The following HBEGF variants were observed in gnomAD, a reference collection of about 807,000 sequenced individuals.
HBEGF encodes heparin binding EGF like growth factor, also known as proheparin-binding EGF-like growth factor.
Under a neutral mutation model 19.5 loss-of-function variants are expected in HBEGF, and 8 were observed. The observed-to-expected ratio is 0.41, with a 90% CI of 0.24 to 0.74. The LOEUF is 0.74. HBEGF is among the 30% of genes least tolerant of loss of function. The probability of loss-of-function intolerance (pLI) is 0.32; values close to 1 mark genes in which losing one functional copy is unlikely to be tolerated. For missense variants in HBEGF, 207 were observed against 256.9 expected (o/e 0.81, Z 1.33); for synonymous variants, 97 against 108.9 (o/e 0.89, Z 0.68).
Position 140,334,754 on chromosome 5 carries a change from G to A in HBEGF, c.555-6C>T. 1.2e-6 allele frequency: 2 copies of A among 1,612,216 alleles called. No individual in the cohort carries two copies. Among genetic ancestry groups the A allele is most frequent in the East Asian group, 2.2e-5 (1 of 44,856 alleles). ...AACCTCCTCTCCTATGGTACCTGAGGAAGATAAGTTTTGTGAATAAGCCCT... is the reference window on the plus strand; with the variant it reads ...AACCTCCTCTCCTATGGTACCTGAGAAAGATAAGTTTTGTGAATAAGCCCT... On this transcript the variant is annotated splice_region_variant and splice_polypyrimidine_tract_variant and intron_variant, in intron 4 of 5. Transcript: ENST00000230990.
At chr5:140,339,761 C>T (rs1766280452) in intron 3 of HBEGF, among the ~76,000 whole-genome samples, 1 of 152,280 alleles carries the variant, frequency 6.6e-6, no homozygotes, top group Admixed American at 6.5e-5. Context: ...ATGGTGGCTG[C>T]AGAGGGCTAG....
At chr5:140,338,328 C>T (rs2126717162) in intron 3 of HBEGF, among the ~76,000 whole-genome samples, 1 of 152,324 alleles carries the variant, frequency 6.6e-6, no homozygotes, top group African/African-American at 2.4e-5. Context: ...GGAGAAGTTA[C>T]TAGCCCCATT....
At chr5:140,337,235 C>T (rs4150228) in intron 3 of HBEGF, among the ~76,000 whole-genome samples, 2,842 of 152,318 alleles carry the variant, frequency 0.019, 42 homozygotes, top group Non-Finnish European at 0.027. Context: ...TTTATCTGAG[C>T]ATCCCAGAGA....
At chr5:140,345,537 T>C (rs1581114790) in intron 2 of HBEGF, among the ~76,000 whole-genome samples, 1 of 152,168 alleles carries the variant, frequency 6.6e-6, no homozygotes, top group East Asian at 1.9e-4. Flanking sequence ...TTATATATAA[T>C]AGTCATTTGA....
Position 140,346,269 on chromosome 5 carries a change from G to T in HBEGF, c.46+14C>A. The T allele has an allele frequency of 6.2e-7, 1 of 1,601,094 alleles. No individual in the cohort carries two copies. On this transcript the variant is annotated intron_variant, in intron 1 of 5. Transcript: ENST00000230990. The surrounding 1 kb of genome is among the most constrained non-coding windows in gnomAD (Gnocchi z 6.1). Reference sequence around the variant, plus strand: ...CATCCCCCCGATCTCCGGGGGCGTCGGCAGCCCTCTTACCTGCAGCCAGAA... The same window carrying T: ...CATCCCCCCGATCTCCGGGGGCGTCTGCAGCCCTCTTACCTGCAGCCAGAA...
intron 3 of HBEGF, among the ~76,000 whole-genome samples, chr5:140,340,582 CAAAAAAA>C (rs61489261): frequency 6.7e-5 from 4 of 59,846 alleles, no homozygotes; most frequent in Admixed American, 2.4e-4. Context: ...GACTCTGTCT[CAAAAAAA>C]AAAAAAAAAA....
chr5:140,341,122 T>C (rs1441215333), intron 3 of HBEGF, among the ~76,000 whole-genome samples: 1 of 152,210 alleles, frequency 6.6e-6, no homozygotes, highest in Non-Finnish European at 1.5e-5. Flanking sequence ...ATGACATCAT[T>C]ATAGTTATCA....
At chr5:140,334,800 G>A (rs1380292250) in intron 4 of HBEGF, 52 bp from the exon 5 acceptor site, 2 of 1,397,352 alleles carry the variant, frequency 1.4e-6, no homozygotes, top group African/African-American at 1.4e-5. Flanking sequence ...ACAAAGTGCA[G>A]GTCCAGAGCA....
At chr5:140,335,805 A>C (rs564701655) in intron 4 of HBEGF, 67 bp downstream of exon 4, 2 of 1,514,742 alleles carry the variant, frequency 1.3e-6, no homozygotes, top group Admixed American at 1.8e-5. Context: ...CATCAAGGAG[A>C]GGGCCCAGGA....
At chr5:140,340,978 A>G (rs1166711753) in intron 3 of HBEGF, among the ~76,000 whole-genome samples, 5 of 152,248 alleles carry the variant, frequency 3.3e-5, no homozygotes, top group Admixed American at 3.3e-4. Context: ...TACTCAGCAG[A>G]GGGCTTTTGA....
intron 3 of HBEGF, among the ~76,000 whole-genome samples, chr5:140,339,891 T>C (rs1188253994): frequency 1.3e-5 from 2 of 152,122 alleles, no homozygotes; most frequent in Non-Finnish European, 2.9e-5. Flanking sequence ...TGCACAGATG[T>C]CACATTCCCC....
chr5:140,342,788 G>C lies in HBEGF; in HGVS notation c.245C>G (p.Ala82Gly), dbSNP rs1375862656. Residue 82 changes from alanine (A) to glycine (G), a missense_variant, in exon 3 of 6, where the codon GCA becomes GGA. Coordinates refer to ENST00000230990, the MANE Select transcript of HBEGF (RefSeq NM_001945.3). ...LRVTLSSKPQALATPNKEEHG... is the reference protein window; with the variant it reads ...LRVTLSSKPQGLATPNKEEHG... Reference sequence around the variant, plus strand: ...CTCCTCCTTGTTTGGTGTGGCCAGTGCTTGTGGCTTGGAGGATAAAGTGAC... The same window carrying C: ...CTCCTCCTTGTTTGGTGTGGCCAGTCCTTGTGGCTTGGAGGATAAAGTGAC... The C allele has an allele frequency of 6.2e-7, 1 of 1,614,096 alleles. No homozygotes were observed. The highest frequency in any genetic ancestry group is 8.5e-7 in the Non-Finnish European group (1 of 1,180,050).
chr5:140,342,939 C>T (rs1766337240), intron 2 of HBEGF, 127 bp from the exon 3 acceptor site: 1 of 898,826 alleles, frequency 1.1e-6, no homozygotes, highest in South Asian at 1.6e-5. Context: ...GGCCCCTTAG[C>T]TCAGTGCCTC....
In HBEGF at chr5:140,340,277, T is replaced by C. The variant is rs1391638914; in HGVS notation, c.398+2358A>G. 4.1e-5 allele frequency among the ~76,000 whole-genome samples: 6 copies of C among 146,080 alleles called. No individual in the cohort carries two copies. The East Asian group carries it at 1.2e-3, about 30-fold the overall frequency. On this transcript the variant is annotated intron_variant, in intron 3 of 5. Coordinates refer to ENST00000230990, the MANE Select transcript of HBEGF (RefSeq NM_001945.3). ...CTCCAGCCTGGGTGACAGAGCGAGA[T>C]TCCATCTCAAAAAAAAAAAAGGCTA...
At chr5:140,341,908 G>C (rs1766319381) in intron 3 of HBEGF, among the ~76,000 whole-genome samples, 2 of 152,140 alleles carry the variant, frequency 1.3e-5, no homozygotes, top group Admixed American at 1.3e-4. Flanking sequence ...AGAGGCTAAG[G>C]AACCCACAGC....
At position 140,346,089 on chromosome 5, in the gene HBEGF, G is replaced by A. The variant is rs371349193; in HGVS notation, c.47-5C>T. 20 of 1,610,108 alleles carry A rather than the reference G, an allele frequency of 1.2e-5. No individual in the cohort carries two copies. Among genetic ancestry groups the A allele is most frequent in the Non-Finnish European group, 1.7e-5 (20 of 1,178,198 alleles). On this transcript the variant is annotated splice_region_variant and splice_polypyrimidine_tract_variant and intron_variant, in intron 1 of 5. Coordinates refer to ENST00000230990, the MANE Select transcript of HBEGF (RefSeq NM_001945.3). The surrounding 1 kb of genome is among the most constrained non-coding windows in gnomAD (Gnocchi z 6.1). Reference sequence around the variant, plus strand: ...CAGTCACCAGTGCCGAGAGAACTGCGGGCGAGAGGCCAGGCCGCATCAGAC... The same window carrying A: ...CAGTCACCAGTGCCGAGAGAACTGCAGGCGAGAGGCCAGGCCGCATCAGAC...
At chr5:140,340,444 A>C (rs1428552126) in intron 3 of HBEGF, among the ~76,000 whole-genome samples, 1 of 151,884 alleles carries the variant, frequency 6.6e-6, no homozygotes. Context: ...TTAATTCGGC[A>C]TGGTGGCAGG....
chr5:140,341,974 AT>A, intron 3 of HBEGF, among the ~76,000 whole-genome samples: 1 of 152,192 alleles, frequency 6.6e-6, no homozygotes, highest in East Asian at 1.9e-4. Flanking sequence ...CCGGGGGCTG[AT>A]GCCTAATGGG....
At chr5:140,336,073 C>A (rs1336129215) in intron 3 of HBEGF, 46 bp from the exon 4 acceptor site, 3 of 1,593,096 alleles carry the variant, frequency 1.9e-6, no homozygotes, top group Non-Finnish European at 2.6e-6. Flanking sequence ...GTGCTTTGGC[C>A]TCTCTTGGCA....
Sources: gnomAD v4.1 joint callset for allele counts (sites outside exome capture counted in the v4.1 genomes callset) on GRCh38, gnomAD v4.1.1 for gene constraint, Gnocchi (gnomAD v3.1) non-coding constraint, MANE v1.5 for transcripts, NCBI Gene and HGNC (gene_info 2026-07-23, HGNC 2026-07-21) for gene names.